The following SHROOM3 variants were observed in gnomAD, a reference collection of about 807,000 sequenced individuals.
The protein encoded by SHROOM3 is protein Shroom3.
SHROOM3 carries 47 observed loss-of-function variants against 138.6 expected under a neutral mutation model. The observed-to-expected ratio is 0.34, with a 90% CI of 0.27 to 0.43. The LOEUF is 0.43. Among genes scored for constraint, SHROOM3 ranks in the 20% least tolerant of loss-of-function variants. The pLI is 1.00. For missense variants in SHROOM3, 2,491 were observed against 2,596.5 expected, an observed-to-expected ratio of 0.96 and a Z score of 0.88; for synonymous variants, 1,062 against 1,063.3, an observed-to-expected ratio of 1.00 and a Z score of 0.02.
intron 2 of SHROOM3, among the ~76,000 whole-genome samples, chr4:76,659,557 G>GAA (rs770404789): frequency 1.2e-4 from 18 of 152,206 alleles, no homozygotes; most frequent in Non-Finnish European, 2.2e-4. Context: ...GAAATCCAGT[G>GAA]AAGTTGCTGT....
In SHROOM3 at chr4:76,741,921, C is replaced by T. The variant is rs746198913; in HGVS notation, c.3748C>T (p.Arg1250Cys). The T allele has an allele frequency of 1.2e-6, 2 of 1,612,118 alleles. No individual in the cohort carries two copies. The highest frequency in any genetic ancestry group is 1.1e-5 in the South Asian group (1 of 90,926). The change falls in exon 5 of 11, where the codon CGC (arginine) becomes TGC (cysteine). Residue 1250 changes from arginine to cysteine, a missense_variant. Arg to Cys is a radical substitution (Grantham distance 180, BLOSUM62 -3). Coordinates refer to ENST00000296043, the MANE Select transcript of SHROOM3 (RefSeq NM_020859.4). This position sits in a 1 kb window ranked among gnomAD's most constrained non-coding sequence, Gnocchi z 6.2. Reference sequence around the variant, plus strand: ...GTCATCTCCCGCCACCGCAGACAAGCGCCAGGTACGTGCAACCAGCAAGTC... The same window carrying T: ...GTCATCTCCCGCCACCGCAGACAAGTGCCAGGTACGTGCAACCAGCAAGTC... ...SRSSPATADK[R>C]QDVLLGQDSG...
Position 76,740,426 on chromosome 4 carries a change from G to C in SHROOM3, c.2253G>C (p.Pro751=), listed in dbSNP as rs551232265. ...SPEEPPAPSH[P]HTSSLGRRGP... is the part of the protein sequence containing the mutation. The stretch of plus-strand genomic sequence containing the variant: ...AAGAGCCGCCTGCCCCCTCGCACCC[G>C]CACACATCCAGTCTGGGCCGGAGGG... The change falls in exon 5 of 11, where the codon CCG becomes CCC. Residue 751 remains proline, a synonymous_variant. Coordinates refer to ENST00000296043, the MANE Select transcript of SHROOM3 (RefSeq NM_020859.4). The surrounding 1 kb of genome is among the most constrained non-coding windows in gnomAD (Gnocchi z 4.0). The C allele has an allele frequency of 3.5e-5, 57 of 1,612,750 alleles. 1 individual carries two copies. The highest frequency in any genetic ancestry group is 1.9e-4 in the African/African-American group (14 of 74,920).
chr4:76,451,787 G>A (rs1730930912), intron 1 of SHROOM3, among the ~76,000 whole-genome samples: 1 of 152,158 alleles, frequency 6.6e-6, no homozygotes, highest in African/African-American at 2.4e-5. Context: ...TTTAGAAATG[G>A]ACCCATTAGA....
At chr4:76,448,732 C>T (rs1042377680) in intron 1 of SHROOM3, among the ~76,000 whole-genome samples, 2 of 152,154 alleles carry the variant, frequency 1.3e-5, no homozygotes, top group African/African-American at 4.8e-5. Flanking sequence ...GAAGTCTTGT[C>T]TCAGGGTCTG....
intron 2 of SHROOM3, among the ~76,000 whole-genome samples, chr4:76,576,069 C>T (rs1242694624): frequency 6.6e-6 from 1 of 152,114 alleles, no homozygotes; most frequent in African/African-American, 2.4e-5. Flanking sequence ...ATTAGTACAA[C>T]CACTACGGAG....
At chr4:76,648,645 A>G (rs565356969) in intron 2 of SHROOM3, among the ~76,000 whole-genome samples, 2 of 152,336 alleles carry the variant, frequency 1.3e-5, no homozygotes, top group African/African-American at 4.8e-5. Context: ...TACCCACTCC[A>G]GATCCAGATT....
chr4:76,467,399 A>G (rs1253079857), intron 1 of SHROOM3, among the ~76,000 whole-genome samples: 1 of 152,132 alleles, frequency 6.6e-6, no homozygotes, highest in Non-Finnish European at 1.5e-5. Flanking sequence ...AAGTGAAATA[A>G]GCTGCCTGAA....
chr4:76,651,250 C>G (rs188536345), intron 2 of SHROOM3, among the ~76,000 whole-genome samples: 1 of 151,710 alleles, frequency 6.6e-6, no homozygotes, highest in East Asian at 1.9e-4. Flanking sequence ...TCAATAATAA[C>G]TTAATCGTGT....
intron 1 of SHROOM3, among the ~76,000 whole-genome samples, chr4:76,495,091 G>T (rs1377704663): frequency 2.0e-5 from 3 of 152,236 alleles, no homozygotes; most frequent in Non-Finnish European, 4.4e-5. Flanking sequence ...GTAACAAGAG[G>T]TGTGGTGATA....
intron 2 of SHROOM3, among the ~76,000 whole-genome samples, chr4:76,668,330 G>C (rs1479014498): frequency 1.1e-4 from 17 of 152,156 alleles, no homozygotes; most frequent in Non-Finnish European, 2.1e-4. Context: ...GGAGGCTGAG[G>C]CAGGCAGATC....
chr4:76,763,141 T>C (rs1385048758), intron 9 of SHROOM3, among the ~76,000 whole-genome samples: 2 of 152,096 alleles, frequency 1.3e-5, no homozygotes, highest in Non-Finnish European at 2.9e-5. Context: ...ATCCCAGCAC[T>C]TTGGGAGGCC....
intron 2 of SHROOM3, chr4:76,587,135 A>G (rs1273416703): frequency 6.6e-6 from 1 of 152,144 alleles, no homozygotes; most frequent in African/African-American, 2.4e-5. Context: ...ATTAATCCTT[A>G]ACTATGCTCT....
intron 2 of SHROOM3, among the ~76,000 whole-genome samples, chr4:76,591,502 G>A (rs1219278365): frequency 6.6e-6 from 1 of 152,122 alleles, no homozygotes; most frequent in Admixed American, 6.6e-5. Context: ...AATATTCCAA[G>A]TGATTTCTGA....
intron 1 of SHROOM3, among the ~76,000 whole-genome samples, chr4:76,465,059 T>A (rs1731224528): frequency 1.3e-5 from 2 of 152,234 alleles, no homozygotes; most frequent in African/African-American, 4.8e-5. Flanking sequence ...AACCATTATA[T>A]AGAATTCTTC....
At chr4:76,497,552 A>G (rs1731994597) in intron 1 of SHROOM3, among the ~76,000 whole-genome samples, 2 of 152,174 alleles carry the variant, frequency 1.3e-5, no homozygotes, top group South Asian at 2.1e-4. Flanking sequence ...CATGCCTGAC[A>G]TGTTTTTTAA....
chr4:76,591,165 C>T (rs1168491061), intron 2 of SHROOM3, among the ~76,000 whole-genome samples: 2 of 152,172 alleles, frequency 1.3e-5, no homozygotes, highest in Admixed American at 1.3e-4. Flanking sequence ...GCATGCCAGA[C>T]AGAGACAAAA....
chr4:76,652,400 GT>G (rs1238029140), intron 2 of SHROOM3, among the ~76,000 whole-genome samples: 1 of 152,190 alleles, frequency 6.6e-6, no homozygotes, highest in Non-Finnish European at 1.5e-5. Context: ...TTTAGAACTT[GT>G]GTCCTGATTC....
chr4:76,626,699 G>A (rs867915900), intron 2 of SHROOM3, among the ~76,000 whole-genome samples: 5 of 152,196 alleles, frequency 3.3e-5, no homozygotes, highest in Non-Finnish European at 7.3e-5. Context: ...CTTTACAGAG[G>A]AAGGAATTGA....
chr4:76,602,029 A>G (rs1366808836), intron 2 of SHROOM3, among the ~76,000 whole-genome samples: 1 of 152,220 alleles, frequency 6.6e-6, no homozygotes, highest in Non-Finnish European at 1.5e-5. Flanking sequence ...AGAGCAGAAG[A>G]ACGAAGTTGG....
Sources: gnomAD v4.1 joint callset for allele counts (sites outside exome capture counted in the v4.1 genomes callset) on GRCh38, gnomAD v4.1.1 for gene constraint, Gnocchi (gnomAD v3.1) non-coding constraint, MANE v1.5 for transcripts, NCBI Gene and HGNC (gene_info 2026-07-23, HGNC 2026-07-21) for gene names.